RAD54B: variants seen among roughly 807,000 people sequenced by gnomAD.
RAD54B encodes DNA repair and recombination protein RAD54B.
RAD54B carries 78 observed loss-of-function variants against 95.8 expected under a neutral mutation model. The observed-to-expected ratio is 0.81, with a 90% CI of 0.68 to 0.98. The LOEUF (loss-of-function observed/expected upper bound fraction) is 0.98, where lower values mean the gene tolerates loss of function less well. Among genes scored for constraint, RAD54B ranks in the 50% least tolerant of loss-of-function variants. RAD54B has a pLI of 0.00. For missense variants in RAD54B, 957 were observed against 1,056.6 expected (o/e 0.91, Z 1.31); for synonymous variants, 328 against 354.9 (o/e 0.92, Z 0.85).
chr8:94,394,359 T>C (rs1377381810), intron 8 of RAD54B, among the ~76,000 whole-genome samples: 1 of 152,200 alleles, frequency 6.6e-6, no homozygotes, highest in African/African-American at 2.4e-5. Flanking sequence ...TTACTGTTAT[T>C]ATAGCTGTGT....
At chr8:94,469,500 G>A (rs1813115846) in intron 1 of RAD54B, among the ~76,000 whole-genome samples, 1 of 152,200 alleles carries the variant, frequency 6.6e-6, no homozygotes, top group African/African-American at 2.4e-5. Flanking sequence ...TTTATTAGCA[G>A]TGTGAGAACA....
chr8:94,374,006 G>A lies in RAD54B; in HGVS notation c.2516-1619C>T, dbSNP rs907289835. Among the ~76,000 whole-genome samples the A allele has an allele frequency of 2.6e-5, 4 of 152,226 alleles. No homozygotes were observed. The East Asian group carries it at 7.7e-4, about 29-fold the overall frequency. On this transcript the variant is annotated intron_variant, in intron 14 of 14. Transcript: ENST00000336148. ...AAGAAAAGAGATGACAAGGCCGGGC[G>A]CAGTGGCTCACGCCTGTAATCCCAG...
At chr8:94,445,431 G>A (rs370837142) in intron 3 of RAD54B, among the ~76,000 whole-genome samples, 6 of 151,952 alleles carry the variant, frequency 3.9e-5, no homozygotes, top group African/African-American at 4.8e-5. Context: ...CTCCCCTTCC[G>A]TACTCCCTCA....
intron 3 of RAD54B, chr8:94,428,654 T>C (rs1281284566): frequency 1.3e-6 from 1 of 756,688 alleles, no homozygotes; most frequent in Non-Finnish European, 1.6e-6. Context: ...TGTACTGTTA[T>C]TTATTTTTCT....
intron 5 of RAD54B, 126 bp from the exon 6 acceptor site, chr8:94,404,365 G>A: frequency 1.2e-6 from 1 of 854,862 alleles, no homozygotes; most frequent in South Asian, 2.5e-5. Flanking sequence ...CCAAAATTTA[G>A]TCACAGTAAT....
At chr8:94,386,399 T>C (rs1048727503) in intron 11 of RAD54B, among the ~76,000 whole-genome samples, 1 of 152,192 alleles carries the variant, frequency 6.6e-6, no homozygotes, top group African/African-American at 2.4e-5. Flanking sequence ...TGAAGTACTA[T>C]AGGACATCAA....
At chr8:94,398,323 C>A (rs1447454576) in intron 8 of RAD54B, among the ~76,000 whole-genome samples, 2 of 152,064 alleles carry the variant, frequency 1.3e-5, no homozygotes, top group African/African-American at 2.4e-5. Flanking sequence ...TCCTCCTATA[C>A]AAATTGGAAG....
chr8:94,470,493 G>T (rs552082120), intron 1 of RAD54B, among the ~76,000 whole-genome samples: 5 of 152,180 alleles, frequency 3.3e-5, no homozygotes, highest in African/African-American at 4.8e-5. Flanking sequence ...TATTCAGGAG[G>T]CTGAGGCAGG....
intron 1 of RAD54B, among the ~76,000 whole-genome samples, chr8:94,471,424 A>G (rs577996651): frequency 6.6e-6 from 1 of 152,346 alleles, no homozygotes; most frequent in East Asian, 1.9e-4. Flanking sequence ...TACATTTAAA[A>G]GACTAGAAAG....
At chr8:94,374,832 T>G (rs1810529350) in intron 14 of RAD54B, among the ~76,000 whole-genome samples, 1 of 152,152 alleles carries the variant, frequency 6.6e-6, no homozygotes, top group Non-Finnish European at 1.5e-5. Flanking sequence ...AATAGATATA[T>G]CTAACAAAAA....
chr8:94,457,151 C>CA (rs1812795865), intron 3 of RAD54B, among the ~76,000 whole-genome samples: 1 of 152,142 alleles, frequency 6.6e-6, no homozygotes, highest in Non-Finnish European at 1.5e-5. Flanking sequence ...ATACATGGAT[C>CA]ATTTTCTACC....
At chr8:94,437,209 G>A (rs1812289007) in intron 3 of RAD54B, among the ~76,000 whole-genome samples, 1 of 152,218 alleles carries the variant, frequency 6.6e-6, no homozygotes, top group Admixed American at 6.5e-5. Context: ...AGCTAATTTA[G>A]TGAGAATATC....
intron 11 of RAD54B, among the ~76,000 whole-genome samples, chr8:94,385,948 T>C (rs1480066086): frequency 1.3e-5 from 2 of 152,154 alleles, no homozygotes; most frequent in Non-Finnish European, 2.9e-5. Context: ...AACCATGTCA[T>C]GAAGGGTCCT....
intron 3 of RAD54B, among the ~76,000 whole-genome samples, chr8:94,418,688 A>C (rs1051924456): frequency 1.3e-5 from 2 of 152,188 alleles, no homozygotes; most frequent in African/African-American, 2.4e-5. Context: ...TCTTTTTGAG[A>C]ACGTCGAATA....
chr8:94,442,576 G>GA (rs531694623), intron 3 of RAD54B, among the ~76,000 whole-genome samples: 1,812 of 45,626 alleles, frequency 0.04, 45 homozygotes, highest in African/African-American at 0.074. Flanking sequence ...CTCTGTCTCA[G>GA]AAAAAAAAAA....
intron 3 of RAD54B, among the ~76,000 whole-genome samples, chr8:94,411,785 T>C (rs1384648334): frequency 6.6e-6 from 1 of 152,066 alleles, no homozygotes; most frequent in Non-Finnish European, 1.5e-5. Context: ...TATATATATG[T>C]AGGTGCACAA....
In RAD54B at chr8:94,378,321, C is replaced by A. The variant is rs1439102903; in HGVS notation, c.2374G>T (p.Val792Phe). The A allele has an allele frequency of 6.8e-6, 11 of 1,613,872 alleles. No individual in the cohort carries two copies. The highest frequency in any genetic ancestry group is 1.3e-5 in the African/African-American group (1 of 74,912). The change falls in exon 14 of 15, where the codon GTT (valine) becomes TTT (phenylalanine). Residue 792 changes from valine (V) to phenylalanine (F), a missense_variant. Coordinates refer to ENST00000336148, the MANE Select transcript of RAD54B (RefSeq NM_012415.3). ...QISKQGLCGA[V>F]VDLTKTSEHI... ...TCAGATGTCTTGGTGAGGTCGACAA[C>A]TGCCCCACAAAGACCTTGCTTACTG... is the stretch of plus-strand genomic sequence containing the variant.
Position 94,391,868 on chromosome 8 carries a change from G to C in RAD54B, c.1550C>G (p.Ala517Gly). Reference sequence around the variant, plus strand: ...GAGTCCAGTGAGGCAAGTAAGTTCAGCTGCTCTTCTTTCTCCTAACTCCTT... The same window carrying C: ...GAGTCCAGTGAGGCAAGTAAGTTCACCTGCTCTTCTTTCTCCTAACTCCTT... Reference protein sequence around the residue: ...EEKELGERRAAELTCLTGLFI... With the variant: ...EEKELGERRAGELTCLTGLFI... The change falls in exon 10 of 15, where the codon GCT (alanine) becomes GGT (glycine). Residue 517 changes from alanine to glycine, a missense_variant. Physicochemically the swap from Ala to Gly is moderately conservative, Grantham distance 60. Transcript: ENST00000336148. The C allele has an allele frequency of 1.2e-6, 2 of 1,611,754 alleles. No homozygotes were observed. The highest frequency in any genetic ancestry group is 1.7e-6 in the Non-Finnish European group (2 of 1,179,440).
At chr8:94,422,776 A>ATATATATAT (rs1811855441) in intron 3 of RAD54B, among the ~76,000 whole-genome samples, 2 of 140,278 alleles carry the variant, frequency 1.4e-5, no homozygotes, top group African/African-American at 5.4e-5. Flanking sequence ...ATATATATAT[A>ATATATATAT]ATTGTTAGGG....
Sources: gnomAD v4.1 joint callset for allele counts (sites outside exome capture counted in the v4.1 genomes callset) on GRCh38, gnomAD v4.1.1 for gene constraint, MANE v1.5 for transcripts, NCBI Gene and HGNC (gene_info 2026-07-23, HGNC 2026-07-21) for gene names.